Variants in DAB1 observed in about 807,000 individuals in gnomAD.
DAB1 encodes the protein DAB adaptor protein 1.
A neutral mutation model predicts 64.6 loss-of-function variants in DAB1; 15 were observed. The ratio of observed to expected loss-of-function variants is 0.23; its 90% confidence interval spans 0.16 to 0.36. The LOEUF (loss-of-function observed/expected upper bound fraction) is 0.36. Ranked by LOEUF, DAB1 falls within the 10% of genes least tolerant of loss-of-function variation. The pLI, the probability that DAB1 is intolerant of heterozygous loss-of-function variation, is 1.00. For missense variants in DAB1, 596 were observed against 706.7 expected (o/e 0.84, Z 1.78); for synonymous variants, 235 against 251.9 (o/e 0.93, Z 0.64).
intron 7 of DAB1, among the ~76,000 whole-genome samples, chr1:57,448,698 A>G (rs1393211222): frequency 6.6e-6 from 1 of 152,166 alleles, no homozygotes; most frequent in African/African-American, 2.4e-5. Context: ...CTGGCATGAA[A>G]TAAAAACCAA....
intron 2 of DAB1, among the ~76,000 whole-genome samples, chr1:57,147,037 T>C (rs1659212167): frequency 8.8e-6 from 1 of 113,720 alleles, no homozygotes; most frequent in African/African-American, 3.0e-5. Flanking sequence ...TGTTTTTCTT[T>C]TTTTTTTTTT....
intron 3 of DAB1, among the ~76,000 whole-genome samples, chr1:58,367,690 G>C (rs1167859818): frequency 6.6e-6 from 1 of 152,068 alleles, no homozygotes. Flanking sequence ...ATCTCAGACA[G>C]TACTACTATC....
chr1:57,859,081 A>G (rs545780389), intron 1 of DAB1, among the ~76,000 whole-genome samples: 1 of 152,170 alleles, frequency 6.6e-6, no homozygotes, highest in East Asian at 1.9e-4. Context: ...TATAAACAAA[A>G]GCATGAGAAC....
intron 2 of DAB1, among the ~76,000 whole-genome samples, chr1:57,168,190 G>A (rs1053913062): frequency 2.6e-5 from 4 of 152,084 alleles, no homozygotes; most frequent in Non-Finnish European, 1.5e-5. Context: ...GTATTCTTAC[G>A]TCATTCCATT....
intron 1 of DAB1, among the ~76,000 whole-genome samples, chr1:57,874,818 A>T (rs1008829342): frequency 6.6e-6 from 1 of 152,152 alleles, no homozygotes; most frequent in Admixed American, 6.5e-5. Flanking sequence ...ACAGTAACTA[A>T]GAATGTGGGA....
intron 4 of DAB1, among the ~76,000 whole-genome samples, chr1:58,256,321 C>T (rs184119736): frequency 4.6e-5 from 7 of 152,300 alleles, no homozygotes; most frequent in Admixed American, 4.6e-4. Context: ...CGGTGTGTGC[C>T]TACCCTTGCA....
intron 1 of DAB1, among the ~76,000 whole-genome samples, chr1:57,396,276 C>T (rs1014808647): frequency 1.3e-5 from 2 of 152,234 alleles, no homozygotes; most frequent in African/African-American, 4.8e-5. Context: ...CCTAGCATCT[C>T]CATGCCAAAC....
chr1:58,486,259 T>C (rs1174852000), intron 3 of DAB1, among the ~76,000 whole-genome samples: 3 of 152,236 alleles, frequency 2.0e-5, no homozygotes, highest in Non-Finnish European at 4.4e-5. Flanking sequence ...TAGGAGATAT[T>C]GCTATCCTGA....
intron 1 of DAB1, among the ~76,000 whole-genome samples, chr1:57,402,219 A>C (rs894871391): frequency 6.6e-6 from 1 of 152,158 alleles, no homozygotes; most frequent in Admixed American, 6.5e-5. Context: ...TGGAGAGTTT[A>C]AAAAAATTGG....
chr1:57,583,386 A>C (rs1411321890), intron 7 of DAB1, among the ~76,000 whole-genome samples: 1 of 150,592 alleles, frequency 6.6e-6, no homozygotes, highest in Non-Finnish European at 1.5e-5. Flanking sequence ...TCCCAGGTTC[A>C]AGCAATTCTC....
At chr1:57,367,073 TA>T (rs1306525241) in intron 1 of DAB1, among the ~76,000 whole-genome samples, 7 of 87,684 alleles carry the variant, frequency 8.0e-5, no homozygotes, top group Non-Finnish European at 1.5e-4. Context: ...TAAAATAAAA[TA>T]AAATAAAATA....
chr1:57,887,700 G>T (rs17579366), upstream of DAB1, among the ~76,000 whole-genome samples: 1 of 152,158 alleles, frequency 6.6e-6, no homozygotes, highest in Non-Finnish European at 1.5e-5. Context: ...TATAAGCAGA[G>T]CATTATGGAG....
chr1:58,138,923 A>G lies in DAB1; in HGVS notation n.387+11588T>C, dbSNP rs1654113760. Among the ~76,000 whole-genome samples the G allele has an allele frequency of 2.6e-5, 4 of 152,192 alleles. No individual in the cohort carries two copies. The South Asian group carries it at 8.3e-4, about 32-fold the overall frequency. On this transcript the variant is annotated intron_variant and non_coding_transcript_variant, in intron 5 of 20. Coordinates refer to the DAB1 transcript ENST00000485760. ...GAATAGGTAAATGGATGGACAAATG[A>G]ATGAATGAGTGAATAGGTGGGTGGG...
intron 3 of DAB1, among the ~76,000 whole-genome samples, chr1:58,397,162 C>T (rs145911462): frequency 6.6e-6 from 1 of 151,948 alleles, no homozygotes; most frequent in Non-Finnish European, 1.5e-5. Context: ...GGGAGGAAAG[C>T]GGTAACACTC....
chr1:58,473,880 C>T (rs1040102018), intron 3 of DAB1: 11 of 790,248 alleles, frequency 1.4e-5, no homozygotes, highest in African/African-American at 3.5e-5. Flanking sequence ...ATTTCAACTC[C>T]GACAGATTTC....
intron 4 of DAB1, among the ~76,000 whole-genome samples, chr1:58,166,654 T>C (rs568100834): frequency 6.6e-6 from 1 of 152,224 alleles, no homozygotes; most frequent in South Asian, 2.1e-4. Flanking sequence ...TGTTTTCATA[T>C]AGGCAAATCA....
At chr1:57,940,858 C>T (rs1489415570) in intron 5 of DAB1, among the ~76,000 whole-genome samples, 1 of 152,158 alleles carries the variant, frequency 6.6e-6, no homozygotes, top group African/African-American at 2.4e-5. Context: ...GAAATGGTAG[C>T]TTTTCATTAC....
intron 5 of DAB1, among the ~76,000 whole-genome samples, chr1:58,090,574 T>C (rs1650595031): frequency 6.6e-6 from 1 of 152,210 alleles, no homozygotes; most frequent in Admixed American, 6.5e-5. Context: ...CTCTTGCCCT[T>C]AATCACAACT....
At chr1:58,138,385 G>T (rs1354610813) in intron 5 of DAB1, among the ~76,000 whole-genome samples, 1 of 152,178 alleles carries the variant, frequency 6.6e-6, no homozygotes, top group Non-Finnish European at 1.5e-5. Flanking sequence ...TTGTTATGGG[G>T]CTTAAAGAAA....
Sources: allele counts gnomAD v4.1 joint callset (sites outside exome capture counted in the v4.1 genomes callset), GRCh38; gene constraint gnomAD v4.1.1; transcripts MANE v1.5; gene names NCBI Gene and HGNC (gene_info 2026-07-23, HGNC 2026-07-21).